Variants in FAM13C observed in about 807,000 individuals in gnomAD.
FAM13C encodes the protein protein FAM13C.
In FAM13C, 37 loss-of-function variants were observed where a neutral mutation model predicts 73.2. The observed-to-expected ratio is 0.51, with a 90% CI of 0.39 to 0.67. The LOEUF is 0.67. FAM13C is among the 30% of genes least tolerant of loss of function. The pLI, the probability that FAM13C is intolerant of heterozygous loss-of-function variation, is 0.00. For synonymous variants in FAM13C, 246 were observed against 260.9 expected, an observed-to-expected ratio of 0.94 and a Z score of 0.55; for missense variants, 589 against 715.6, an observed-to-expected ratio of 0.82 and a Z score of 2.02.
chr10:59,335,601 T>C (rs1029355056), intron 3 of FAM13C, among the ~76,000 whole-genome samples: 12 of 152,108 alleles, frequency 7.9e-5, no homozygotes, highest in African/African-American at 2.9e-4. Flanking sequence ...TTTCACCAGG[T>C]GAATGATGTT....
intron 3 of FAM13C, among the ~76,000 whole-genome samples, chr10:59,351,346 G>A (rs1327455043): frequency 6.3e-5 from 6 of 95,802 alleles, no homozygotes; most frequent in East Asian, 3.7e-4. Context: ...AAAAAAAAAA[G>A]CATCATGAAT....
At chr10:59,253,384 C>T (rs1841599714) in intron 11 of FAM13C, among the ~76,000 whole-genome samples, 3 of 152,178 alleles carry the variant, frequency 2.0e-5, no homozygotes, top group Admixed American at 6.5e-5. Context: ...AGGTGGACTA[C>T]GGACAACTTT....
At chr10:59,254,224 ACAACTAGCCTTGTTTG>A in intron 11 of FAM13C, 108 bp downstream of exon 11, 1 of 561,238 alleles carries the variant, frequency 1.8e-6, no homozygotes, top group Non-Finnish European at 2.9e-6. Flanking sequence ...TTTTGAAATG[ACAACTAGCCTTGTTTG>A]CAGTATATAC....
intron 5 of FAM13C, among the ~76,000 whole-genome samples, chr10:59,300,255 TGTATAAGGTAC>T (rs1847435118): frequency 6.6e-6 from 1 of 152,216 alleles, no homozygotes; most frequent in African/African-American, 2.4e-5. Flanking sequence ...ATTTGGGGAA[TGTATAAGGTAC>T]GTAGGTAGCA....
rs375142014 is a variant in FAM13C, at chr10:59,268,223, GAAA to G, written c.942+327_942+329del. The stretch of plus-strand genomic sequence containing the variant: ...GAAAAAGTGAAAAAAAAAGAAAAAA[GAAA>G]AAGAAGAAGAAGAAGAAGAAGAAGA... On this transcript the variant is annotated intron_variant, in intron 8 of 13. Transcript: ENST00000618804. Among the ~76,000 whole-genome samples the G allele has an allele frequency of 6.7e-5, 9 of 134,662 alleles. No homozygotes were observed. The South Asian group carries it at 7.3e-4, about 11-fold the overall frequency. The allele number at this position is 134,662 out of a possible 152,430, so 88.3% of individuals were successfully genotyped here.
chr10:59,298,947 C>T (rs1054012290), intron 5 of FAM13C, among the ~76,000 whole-genome samples: 11 of 152,030 alleles, frequency 7.2e-5, no homozygotes, highest in Admixed American at 6.6e-5. Flanking sequence ...ATAGGGTTAC[C>T]AGAGGCTGGT....
intron 3 of FAM13C, among the ~76,000 whole-genome samples, chr10:59,349,025 A>G (rs1854682872): frequency 6.6e-6 from 1 of 152,156 alleles, no homozygotes; most frequent in Non-Finnish European, 1.5e-5. Flanking sequence ...ACATTCCTTG[A>G]CTTCTTTAAA....
chr10:59,319,089 A>G (rs928385577), intron 4 of FAM13C, among the ~76,000 whole-genome samples: 3 of 149,408 alleles, frequency 2.0e-5, no homozygotes, highest in Non-Finnish European at 3.0e-5. Flanking sequence ...ACACACACAC[A>G]CACACACACA....
chr10:59,324,169 A>G, intron 3 of FAM13C, 63 bp from the exon 4 acceptor site: 1 of 1,329,290 alleles, frequency 7.5e-7, no homozygotes, highest in South Asian at 1.3e-5. Flanking sequence ...TAGCATTATT[A>G]TGCTGGAAGT....
intron 5 of FAM13C, among the ~76,000 whole-genome samples, chr10:59,292,686 C>T (rs1846403437): frequency 6.6e-6 from 1 of 152,158 alleles, no homozygotes; most frequent in Non-Finnish European, 1.5e-5. Flanking sequence ...TCCTCAAATA[C>T]TAATTTTTAA....
intron 3 of FAM13C, among the ~76,000 whole-genome samples, chr10:59,324,538 T>C (rs513335): frequency 0.41 from 61,458 of 151,582 alleles, 12,752 homozygotes; most frequent in African/African-American, 0.5. Flanking sequence ...CCCACACACA[T>C]GAGATTGGAA....
At chr10:59,336,721 G>C (rs192707977) in intron 3 of FAM13C, among the ~76,000 whole-genome samples, 7 of 152,296 alleles carry the variant, frequency 4.6e-5, no homozygotes. Context: ...AAAATAGAAT[G>C]ACAAATATCT....
intron 3 of FAM13C, among the ~76,000 whole-genome samples, chr10:59,346,382 A>G (rs892622335): frequency 2.0e-5 from 3 of 152,236 alleles, no homozygotes; most frequent in Non-Finnish European, 2.9e-5. Context: ...TGAAGATTTC[A>G]CAATCAGACT....
intron 8 of FAM13C, among the ~76,000 whole-genome samples, chr10:59,266,609 C>G (rs144554553): frequency 2.8e-3 from 427 of 152,278 alleles, no homozygotes; most frequent in Non-Finnish European, 4.7e-3. Flanking sequence ...CAGCGGTGAC[C>G]AAGGAGCTTC....
chr10:59,340,556 A>G (rs1174408815), intron 3 of FAM13C, among the ~76,000 whole-genome samples: 3 of 152,252 alleles, frequency 2.0e-5, no homozygotes, highest in South Asian at 2.1e-4. Flanking sequence ...CATTACATCA[A>G]GAACCAACTG....
intron 1 of FAM13C, among the ~76,000 whole-genome samples, chr10:59,356,350 ATT>A (rs1393588804): frequency 1.4e-4 from 21 of 152,090 alleles, no homozygotes; most frequent in African/African-American, 5.1e-4. Flanking sequence ...ACCAGCCTCC[ATT>A]TAGTTTACTC....
At chr10:59,362,365 T>C in intron 1 of FAM13C, 34 bp downstream of exon 1, 1 of 1,610,552 alleles carries the variant, frequency 6.2e-7, no homozygotes, top group Non-Finnish European at 8.5e-7. Flanking sequence ...GAGAAAGGCA[T>C]GCAAGTCTAA....
chr10:59,351,360 A>C (rs921851088), intron 3 of FAM13C, among the ~76,000 whole-genome samples: 2 of 151,366 alleles, frequency 1.3e-5, no homozygotes, highest in African/African-American at 4.9e-5. Flanking sequence ...CATGAATCAT[A>C]TGTATCAGGG....
Position 59,289,077 on chromosome 10 carries a change from G to A in FAM13C, c.508-5630C>T, listed in dbSNP as rs191515741. 2.1e-4 allele frequency among the ~76,000 whole-genome samples: 32 copies of A among 152,332 alleles called. 1 individual carries two copies. Among genetic ancestry groups the A allele is most frequent in the African/African-American group, 6.0e-4 (25 of 41,584 alleles). ...ACAATTTTTCCATGGACTGGGGCAC[G>A]GGGATTGTTTTGGGATGAAACTGTT... On this transcript the variant is annotated intron_variant, in intron 5 of 13. Coordinates refer to ENST00000618804, the MANE Select transcript of FAM13C (RefSeq NM_198215.4).
Sources: allele counts gnomAD v4.1 joint callset (sites outside exome capture counted in the v4.1 genomes callset), GRCh38; gene constraint gnomAD v4.1.1; transcripts MANE v1.5; gene names NCBI Gene and HGNC (gene_info 2026-07-23, HGNC 2026-07-21).